The following GABRA3 variants were observed in gnomAD, a reference collection of about 807,000 sequenced individuals.
GABRA3 encodes gamma-aminobutyric acid type A receptor subunit alpha3.
In GABRA3, 10 loss-of-function variants were observed where a neutral mutation model predicts 30.1. The ratio of observed to expected loss-of-function variants is 0.33; its 90% CI spans 0.20 to 0.56. The LOEUF is 0.56. Among genes scored for constraint, GABRA3 ranks in the 20% least tolerant of loss-of-function variants. GABRA3 has a pLI of 0.89. For missense variants in GABRA3, 233 were observed against 392.0 expected, an observed-to-expected ratio of 0.59 and a Z score of 3.42; for synonymous variants, 151 against 146.8, an observed-to-expected ratio of 1.03 and a Z score of -0.21.
chrX:152,393,640 C>T, intron 1 of GABRA3: 1 of 239,581 alleles, frequency 4.2e-6, no homozygotes, highest in South Asian at 4.9e-5. Context: ...AGGCAAACAG[C>T]ATATGACAAT....
intron 9 of GABRA3, among the ~76,000 whole-genome samples, chrX:152,178,064 T>C (rs1341423456): frequency 9.0e-6 from 1 of 111,346 alleles, no homozygotes; most frequent in East Asian, 2.8e-4. Flanking sequence ...AGGAAGTATT[T>C]TGGATTTATC....
chrX:152,199,295 G>A (rs1279138301), intron 7 of GABRA3, among the ~76,000 whole-genome samples: 1 of 104,837 alleles, frequency 9.5e-6, no homozygotes, highest in African/African-American at 3.4e-5. Context: ...GAACCCAGGA[G>A]GCGGAGCTGG....
Position 152,224,812 on chromosome X carries a change from C to T in GABRA3, c.585G>A (p.Leu195=). The change falls in exon 6 of 10, where the codon TTG becomes TTA. Residue 195 remains leucine (L), a synonymous_variant. Coordinates refer to ENST00000370314, the MANE Select transcript of GABRA3 (RefSeq NM_000808.4). ...LTIHAECPMH[L]EDFPMDVHAC... is the part of the protein sequence containing the mutation. ...CATGCACATCCATGGGAAAATCTTC[C>T]AAATGCATGGGACACTCAGCATGAA... The T allele has an allele frequency of 8.4e-7, 1 of 1,196,846 alleles. No individual in the cohort carries two copies.
At position 152,397,463 on chromosome X, in the gene GABRA3, G is replaced by A. The variant is rs1929689012; in HGVS notation, c.-26-32867C>T. On this transcript the variant is annotated intron_variant, in intron 1 of 9. Coordinates refer to ENST00000370314, the MANE Select transcript of GABRA3 (RefSeq NM_000808.4). The stretch of plus-strand genomic sequence containing the variant: ...ACAGAAGCAGAAGCCACAGGTGACA[G>A]GTTATGCTTCAGGTAGGAAATGTTC... 5.4e-5 allele frequency among the ~76,000 whole-genome samples: 6 copies of A among 111,499 alleles called. No homozygotes were observed. In the South Asian group the frequency reaches 2.3e-3, roughly 43 times the overall value.
chrX:152,435,884 A>G (rs1362720763), intron 1 of GABRA3, among the ~76,000 whole-genome samples: 1 of 111,970 alleles, frequency 8.9e-6, no homozygotes, highest in Non-Finnish European at 1.9e-5. Flanking sequence ...CTAATAATAA[A>G]TATCAGAAGT....
At chrX:152,238,526 T>C (rs1938280285) in intron 5 of GABRA3, among the ~76,000 whole-genome samples, 1 of 108,011 alleles carries the variant, frequency 9.3e-6, no homozygotes, top group African/African-American at 3.4e-5. Context: ...TTAGGGAGGA[T>C]TCACTCTTTT....
intron 1 of GABRA3, among the ~76,000 whole-genome samples, chrX:152,386,425 T>G (rs1176976023): frequency 1.8e-5 from 2 of 110,746 alleles, no homozygotes; most frequent in Non-Finnish European, 3.8e-5. Context: ...ATCCAGAATC[T>G]ACAATGAACT....
At chrX:152,245,743 T>A (rs765473245) in intron 5 of GABRA3, among the ~76,000 whole-genome samples, 2 of 112,089 alleles carry the variant, frequency 1.8e-5, no homozygotes, top group East Asian at 5.6e-4. Context: ...TTCTCAAATA[T>A]TCCCTCTTCC....
At chrX:152,257,703 T>C (rs973754652) in intron 4 of GABRA3, among the ~76,000 whole-genome samples, 1 of 112,277 alleles carries the variant, frequency 8.9e-6, no homozygotes, top group Non-Finnish European at 1.9e-5. Context: ...GACTTTCACA[T>C]AAAGCCAAGA....
At chrX:152,331,882 T>C (rs1174448601) in intron 3 of GABRA3, among the ~76,000 whole-genome samples, 1 of 111,890 alleles carries the variant, frequency 8.9e-6, no homozygotes, top group Non-Finnish European at 1.9e-5. Flanking sequence ...AATAAACTTA[T>C]CTTTAGGTTT....
intron 3 of GABRA3, among the ~76,000 whole-genome samples, chrX:152,321,435 G>A (rs1039650831): frequency 2.7e-5 from 3 of 111,225 alleles, no homozygotes; most frequent in Non-Finnish European, 5.7e-5. Flanking sequence ...GCACAAAATC[G>A]AATTTAGTGC....
At chrX:152,257,430 C>T (rs757962418) in intron 4 of GABRA3, among the ~76,000 whole-genome samples, 1 of 112,646 alleles carries the variant, frequency 8.9e-6, no homozygotes, top group East Asian at 2.8e-4. Context: ...GCTGAATATT[C>T]TTTGGTTTAA....
intron 2 of GABRA3, among the ~76,000 whole-genome samples, chrX:152,355,332 T>G (rs1316965626): frequency 9.0e-6 from 1 of 111,723 alleles, no homozygotes; most frequent in Non-Finnish European, 1.9e-5. Flanking sequence ...TCTAGAAGGC[T>G]AATTTTTATG....
At chrX:152,368,586 C>T (rs1034153910) in intron 1 of GABRA3, among the ~76,000 whole-genome samples, 16 of 110,342 alleles carry the variant, frequency 1.5e-4, no homozygotes, top group African/African-American at 3.6e-4. Flanking sequence ...TTGTGAATAA[C>T]GCTGCATTAA....
chrX:152,310,793 A>G (rs778836399), intron 3 of GABRA3, among the ~76,000 whole-genome samples: 2 of 111,510 alleles, frequency 1.8e-5, no homozygotes, highest in African/African-American at 3.3e-5. Context: ...GGAAGAATAA[A>G]TAAGACTGAA....
intron 3 of GABRA3, among the ~76,000 whole-genome samples, chrX:152,312,744 T>C (rs1014610830): frequency 1.2e-4 from 13 of 112,117 alleles, no homozygotes; most frequent in Non-Finnish European, 1.5e-4. Flanking sequence ...GACAAAGATC[T>C]AATTTCCATA....
chrX:152,302,716 C>A (rs1939652617), intron 3 of GABRA3, among the ~76,000 whole-genome samples: 1 of 110,746 alleles, frequency 9.0e-6, no homozygotes, highest in Admixed American at 9.6e-5. Context: ...AGTTTTTCAA[C>A]CCTTTCCCCA....
intron 6 of GABRA3, among the ~76,000 whole-genome samples, chrX:152,216,400 A>G (rs1937723912): frequency 1.6e-5 from 1 of 64,014 alleles, no homozygotes; most frequent in Non-Finnish European, 2.7e-5. Flanking sequence ...ACACACACAC[A>G]CACACACACA....
In GABRA3 at chrX:152,167,200, G is replaced by A. The variant is rs1038765530; in HGVS notation, c.*1028C>T. ...GGTGTGGAATGTGGAGTGTATGGAA[G>A]GAAGAATTTGACTTTCATCTGCCAG... On this transcript the variant is annotated 3_prime_UTR_variant, in exon 10 of 10. Coordinates refer to ENST00000370314, the MANE Select transcript of GABRA3 (RefSeq NM_000808.4). The A allele has an allele frequency of 1.2e-4, 13 of 110,771 alleles. No homozygotes were observed. The highest frequency in any genetic ancestry group is 4.3e-4 in the African/African-American group (13 of 30,415). 9.1% of individuals were successfully genotyped at this position (110,771 alleles called of 1,213,427 possible).
Sources: gnomAD v4.1 joint callset for allele counts (sites outside exome capture counted in the v4.1 genomes callset) on GRCh38, gnomAD v4.1.1 for gene constraint, MANE v1.5 for transcripts, NCBI Gene and HGNC (gene_info 2026-07-23, HGNC 2026-07-21) for gene names.